The following SAMD3 variants were observed in gnomAD, a reference collection of about 807,000 sequenced individuals.
SAMD3 encodes the protein sterile alpha motif domain-containing protein 3.
SAMD3 carries 63 observed loss-of-function variants against 58.5 expected under a neutral mutation model. The observed-to-expected ratio is 1.08, with a 90% CI of 0.88 to 1.33. The LOEUF (loss-of-function observed/expected upper bound fraction) is 1.33. SAMD3 is among the 40% of genes most tolerant of loss of function. The probability of loss-of-function intolerance (pLI) is 0.00; values close to 1 mark genes in which losing one functional copy is unlikely to be tolerated. For synonymous variants in SAMD3, 220 were observed against 210.3 expected (o/e 1.05, Z -0.40); for missense variants, 604 against 608.4 (o/e 0.99, Z 0.08).
chr6:130,308,373 C>CTATTCTATTCTATTCTATTCTATT (rs1562512849), intron 2 of SAMD3, among the ~76,000 whole-genome samples: 4 of 117,258 alleles, frequency 3.4e-5, no homozygotes, highest in African/African-American at 9.9e-5. Context: ...CTATTCTATT[C>CTATTCTATTCTATTCTATTCTATT]TATTCTATTC....
intron 2 of SAMD3, among the ~76,000 whole-genome samples, chr6:130,295,365 G>A (rs1417157118): frequency 6.6e-6 from 1 of 152,132 alleles, no homozygotes; most frequent in Non-Finnish European, 1.5e-5. Context: ...CCTCAGAGGT[G>A]GTGGTTTGAT....
chr6:130,253,750 T>TA (rs1352927590), intron 2 of SAMD3, among the ~76,000 whole-genome samples: 2 of 151,368 alleles, frequency 1.3e-5, no homozygotes, highest in South Asian at 2.1e-4. Flanking sequence ...AAATTATTAT[T>TA]TTTTTTTGGT....
chr6:130,227,612 A>T (rs1011770102), upstream of SAMD3, among the ~76,000 whole-genome samples: 4 of 151,994 alleles, frequency 2.6e-5, no homozygotes, highest in Non-Finnish European at 5.9e-5. Flanking sequence ...ACATGGTGAA[A>T]CCTCGTCTCT....
At chr6:130,296,865 G>A (rs919651863) in intron 2 of SAMD3, among the ~76,000 whole-genome samples, 4 of 152,134 alleles carry the variant, frequency 2.6e-5, no homozygotes, top group Non-Finnish European at 5.9e-5. Flanking sequence ...TGAGCCCTAT[G>A]ACAGGGGTGT....
intron 1 of SAMD3, among the ~76,000 whole-genome samples, chr6:130,333,953 T>C (rs936300421): frequency 6.6e-6 from 1 of 152,212 alleles, no homozygotes; most frequent in African/African-American, 2.4e-5. Context: ...GCCGCTTCTC[T>C]GAGGCTCTGC....
chr6:130,167,385 G>C (rs1156745295), intron 8 of SAMD3, among the ~76,000 whole-genome samples: 4 of 152,154 alleles, frequency 2.6e-5, no homozygotes, highest in Non-Finnish European at 5.9e-5. Context: ...ATCCAGCACA[G>C]GGCAACAGTG....
chr6:130,300,935 A>G (rs572919501), intron 2 of SAMD3, among the ~76,000 whole-genome samples: 4 of 152,080 alleles, frequency 2.6e-5, no homozygotes, highest in Non-Finnish European at 5.9e-5. Flanking sequence ...CTCGTCATTT[A>G]CATTAGGTAT....
chr6:130,359,015 T>C (rs1236910203), intron 1 of SAMD3, among the ~76,000 whole-genome samples: 1 of 152,224 alleles, frequency 6.6e-6, no homozygotes, highest in Non-Finnish European at 1.5e-5. Flanking sequence ...CGTGGGCTCA[T>C]GAGCCCAGTT....
intron 1 of SAMD3, among the ~76,000 whole-genome samples, chr6:130,346,913 G>T (rs1251935722): frequency 6.6e-6 from 1 of 152,190 alleles, no homozygotes; most frequent in Admixed American, 6.5e-5. Flanking sequence ...AGCAACATTT[G>T]CTGTTCACCA....
At chr6:130,212,006 G>A (rs1022515569) in intron 4 of SAMD3, among the ~76,000 whole-genome samples, 1 of 151,198 alleles carries the variant, frequency 6.6e-6, no homozygotes, top group East Asian at 1.9e-4. Flanking sequence ...ACTAAAAGGG[G>A]TCAGACAAAT....
Position 130,177,658 on chromosome 6 carries a change from C to T in SAMD3, c.655-1650G>A, listed in dbSNP as rs1169909252. Among the ~76,000 whole-genome samples, 4 of 152,220 alleles carry T rather than the reference C, an allele frequency of 2.6e-5. No individual in the cohort carries two copies. The East Asian group carries it at 5.8e-4, about 22-fold the overall frequency. ...GGCACTTATCACAGTGGTAATCTAC[C>T]CTCATCTATGTGATACTTTGTCTGT... is the stretch of plus-strand genomic sequence containing the variant. On this transcript the variant is annotated intron_variant, in intron 7 of 11. Coordinates refer to ENST00000439090, the MANE Select transcript of SAMD3 (RefSeq NM_001017373.4).
intron 1 of SAMD3, 94 bp downstream of exon 1, chr6:130,222,600 T>C (rs1796266421): frequency 6.6e-6 from 1 of 152,260 alleles, no homozygotes; most frequent in African/African-American, 2.4e-5. Context: ...TTGTTTGTAA[T>C]CTGCCACTCT....
chr6:130,158,682 C>G (rs1790012653), intron 8 of SAMD3, among the ~76,000 whole-genome samples: 1 of 152,116 alleles, frequency 6.6e-6, no homozygotes, highest in Non-Finnish European at 1.5e-5. Context: ...AAATGCACAA[C>G]AAAGCCATGA....
chr6:130,192,552 C>G (rs535043999), intron 5 of SAMD3, among the ~76,000 whole-genome samples: 1 of 151,974 alleles, frequency 6.6e-6, no homozygotes, highest in Non-Finnish European at 1.5e-5. Context: ...GAACAACCCC[C>G]CTTTTTCCTT....
intron 8 of SAMD3, among the ~76,000 whole-genome samples, chr6:130,175,489 T>C (rs1318329269): frequency 6.6e-6 from 1 of 152,136 alleles, no homozygotes; most frequent in Non-Finnish European, 1.5e-5. Flanking sequence ...AATGTGAGTA[T>C]TAAAAAACTT....
At chr6:130,362,619 C>T (rs1290734119) in intron 1 of SAMD3, among the ~76,000 whole-genome samples, 2 of 152,176 alleles carry the variant, frequency 1.3e-5, no homozygotes, top group Non-Finnish European at 2.9e-5. Flanking sequence ...AAATGGTACG[C>T]TGCCAGTGCC....
At chr6:130,157,245 TTATAA>T (rs1789875658) in intron 8 of SAMD3, among the ~76,000 whole-genome samples, 2 of 152,106 alleles carry the variant, frequency 1.3e-5, no homozygotes, top group Non-Finnish European at 2.9e-5. Context: ...AAAAAGTATC[TTATAA>T]TATCCCTCTA....
chr6:130,209,133 C>CAAA (rs112113020), intron 5 of SAMD3, among the ~76,000 whole-genome samples: 2 of 152,176 alleles, frequency 1.3e-5, no homozygotes, highest in Non-Finnish European at 2.9e-5. Context: ...CTACAAAATT[C>CAAA]AAAACAAAAA....
At chr6:130,156,523 A>AC (rs1185395171) in intron 8 of SAMD3, among the ~76,000 whole-genome samples, 1 of 152,190 alleles carries the variant, frequency 6.6e-6, no homozygotes, top group African/African-American at 2.4e-5. Flanking sequence ...GGGTAGTTTG[A>AC]CATTGGTAAG....
Sources: gnomAD v4.1 joint callset for allele counts (sites outside exome capture counted in the v4.1 genomes callset) on GRCh38, gnomAD v4.1.1 for gene constraint, MANE v1.5 for transcripts, NCBI Gene and HGNC (gene_info 2026-07-23, HGNC 2026-07-21) for gene names.